The following GALNT18 variants were observed in gnomAD, a reference collection of about 807,000 sequenced individuals.
GALNT18 encodes GalNAc-transferase 18.
A neutral mutation model predicts 69.5 loss-of-function variants in GALNT18; 44 were observed. That is an observed-to-expected ratio of 0.63 (90% CI 0.50 to 0.81). The LOEUF (loss-of-function observed/expected upper bound fraction) is 0.81, where lower values mean the gene tolerates loss of function less well. Among genes scored for constraint, GALNT18 ranks in the 40% least tolerant of loss-of-function variants. The pLI is 0.00. For missense variants in GALNT18, 715 were observed against 810.0 expected (o/e 0.88, Z 1.42); for synonymous variants, 364 against 318.2 (o/e 1.14, Z -1.53).
chr11:11,397,914 T>C (rs1475045956), intron 3 of GALNT18, among the ~76,000 whole-genome samples: 1 of 152,206 alleles, frequency 6.6e-6, no homozygotes, highest in African/African-American at 2.4e-5. Flanking sequence ...CTGTATGAGA[T>C]GCCGGAGAGA....
intron 9 of GALNT18, among the ~76,000 whole-genome samples, chr11:11,300,992 G>A (rs1564886781): frequency 6.6e-6 from 1 of 152,138 alleles, no homozygotes. Context: ...CCTGCAGATC[G>A]GGATCTAGCT....
At chr11:11,278,076 G>C (rs550113899) in intron 10 of GALNT18, among the ~76,000 whole-genome samples, 2 of 151,844 alleles carry the variant, frequency 1.3e-5, no homozygotes, top group South Asian at 4.2e-4. Context: ...TTGCCTCGTT[G>C]ATCTGTCTAG....
chr11:11,621,828 TC>T lies in GALNT18; in HGVS notation c.-236del. ...ACAAAGGAAACCAGGTGGATTTTTTTCCAAATTAAAAATCCCTGAACCCTTC... is the reference window on the plus strand; with the variant it reads ...ACAAAGGAAACCAGGTGGATTTTTTTCAAATTAAAAATCCCTGAACCCTTC... On this transcript the variant is annotated 5_prime_UTR_variant, in exon 1 of 11. Transcript: ENST00000227756. This position sits in a 1 kb window ranked among gnomAD's most constrained non-coding sequence, Gnocchi z 9.3. The T allele has an allele frequency of 1.8e-6, 1 of 560,028 alleles. No individual in the cohort carries two copies. The highest frequency in any genetic ancestry group is 3.2e-6 in the Non-Finnish European group (1 of 314,516). The allele number at this position is 560,028 out of a possible 1,614,324, so 34.7% of individuals were successfully genotyped here.
chr11:11,422,997 TCACACAAGCA>T (rs1855045114), intron 3 of GALNT18, among the ~76,000 whole-genome samples: 1 of 152,198 alleles, frequency 6.6e-6, no homozygotes, highest in South Asian at 2.1e-4. Flanking sequence ...ACACCACTGT[TCACACAAGCA>T]CACACAAGCC....
At chr11:11,609,950 CTGAG>C (rs1028424558) in intron 1 of GALNT18, among the ~76,000 whole-genome samples, 2 of 152,136 alleles carry the variant, frequency 1.3e-5, no homozygotes, top group East Asian at 1.9e-4. Flanking sequence ...AAGCTGTGGC[CTGAG>C]TGAGTGGAGG....
intron 6 of GALNT18, among the ~76,000 whole-genome samples, chr11:11,371,724 A>G (rs1200862556): frequency 1.3e-5 from 2 of 152,176 alleles, no homozygotes; most frequent in African/African-American, 4.8e-5. Context: ...CTTCTAGGAC[A>G]AGATCCTTTG....
In GALNT18 at chr11:11,314,239, G is replaced by A. The variant is rs1207990917; in HGVS notation, c.1512+12847C>T. Among the ~76,000 whole-genome samples the A allele has an allele frequency of 6.6e-6, 1 of 152,162 alleles. No individual in the cohort carries two copies. Among genetic ancestry groups the A allele is most frequent in the African/African-American group, 2.4e-5 (1 of 41,436 alleles). Reference sequence around the variant, plus strand: ...GTGAGTCTGAACATTGGTCCACTGTGGAGCTGCTAATGACTGCTTCTCCCC... The same window carrying A: ...GTGAGTCTGAACATTGGTCCACTGTAGAGCTGCTAATGACTGCTTCTCCCC... On this transcript the variant is annotated intron_variant, in intron 9 of 10. Transcript: ENST00000227756. The surrounding 1 kb of genome is among the most constrained non-coding windows in gnomAD (Gnocchi z 5.2).
intron 1 of GALNT18, among the ~76,000 whole-genome samples, chr11:11,503,005 C>T (rs1341741058): frequency 1.3e-5 from 2 of 152,156 alleles, no homozygotes; most frequent in African/African-American, 4.8e-5. Context: ...ATATGTACAC[C>T]AGGCAAGCAT....
Position 11,542,193 on chromosome 11 carries a change from G to A in GALNT18, c.235+79166C>T, listed in dbSNP as rs1187505622. ...ATTAAAGACTTTGCCCAAAGGCTGT[G>A]GCTGCGTCTTAGAAAGCAAAGCAAA... On this transcript the variant is annotated intron_variant, in intron 1 of 10. Coordinates refer to ENST00000227756, the MANE Select transcript of GALNT18 (RefSeq NM_198516.3). The surrounding 1 kb of genome is among the most constrained non-coding windows in gnomAD (Gnocchi z 4.3). Among the ~76,000 whole-genome samples, 1 of 152,130 alleles carries A rather than the reference G, an allele frequency of 6.6e-6. No individual in the cohort carries two copies. Among genetic ancestry groups the A allele is most frequent in the Non-Finnish European group, 1.5e-5 (1 of 68,030 alleles).
chr11:11,357,181 C>T (rs1850548262), intron 6 of GALNT18, among the ~76,000 whole-genome samples: 1 of 152,082 alleles, frequency 6.6e-6, no homozygotes, highest in Non-Finnish European at 1.5e-5. Context: ...CAGGTTGCTC[C>T]GACCTCAAAG....
chr11:11,582,818 A>G lies in GALNT18; in HGVS notation c.235+38541T>C, dbSNP rs1396689127. On this transcript the variant is annotated intron_variant, in intron 1 of 10. Transcript: ENST00000227756. The surrounding 1 kb of genome is among the most constrained non-coding windows in gnomAD (Gnocchi z 5.0). ...AGGAAGTAAGCATTTTTAAAAGATT[A>G]CTCTAGTTGTTGAGTGAAGAACGGA... Among the ~76,000 whole-genome samples, 1 of 152,038 alleles carries G rather than the reference A, an allele frequency of 6.6e-6. No individual in the cohort carries two copies. Among genetic ancestry groups the G allele is most frequent in the Non-Finnish European group, 1.5e-5 (1 of 68,018 alleles).
At chr11:11,330,622 G>A (rs1295223390) in intron 8 of GALNT18, among the ~76,000 whole-genome samples, 1 of 152,224 alleles carries the variant, frequency 6.6e-6, no homozygotes. Context: ...CAAGTGAATG[G>A]TTTTCAGTAT....
intron 3 of GALNT18, among the ~76,000 whole-genome samples, chr11:11,408,459 T>C (rs1054584715): frequency 6.6e-6 from 1 of 151,596 alleles, no homozygotes; most frequent in Non-Finnish European, 1.5e-5. Context: ...ACCCAAGATT[T>C]ATGCAGAGAA....
At chr11:11,322,779 G>A (rs557255036) in intron 9 of GALNT18, among the ~76,000 whole-genome samples, 12 of 152,316 alleles carry the variant, frequency 7.9e-5, no homozygotes, top group Admixed American at 4.6e-4. Context: ...CCACAGACTA[G>A]GTGGCATAAA....
At chr11:11,330,060 A>G (rs1376863442) in intron 8 of GALNT18, among the ~76,000 whole-genome samples, 3 of 152,096 alleles carry the variant, frequency 2.0e-5, no homozygotes, top group Non-Finnish European at 4.4e-5. Context: ...GATTAATCCA[A>G]TGCTACCCCA....
At chr11:11,574,950 A>AT (rs1776356252) in intron 1 of GALNT18, among the ~76,000 whole-genome samples, 1 of 152,172 alleles carries the variant, frequency 6.6e-6, no homozygotes, top group Non-Finnish European at 1.5e-5. Context: ...ATCAAGAGGT[A>AT]TTTTTCATTG....
At position 11,543,049 on chromosome 11, in the gene GALNT18, C is replaced by A. The variant is rs894081242; in HGVS notation, c.235+78310G>T. Among the ~76,000 whole-genome samples the A allele has an allele frequency of 6.6e-6, 1 of 152,138 alleles. No individual in the cohort carries two copies. The highest frequency in any genetic ancestry group is 2.1e-4 in the South Asian group (1 of 4,824). The stretch of plus-strand genomic sequence containing the variant: ...AAGGTTGTTTCAGGCACTAAATGCA[C>A]CAGTGTGTCTAAAGTATTTGGGAAG... On this transcript the variant is annotated intron_variant, in intron 1 of 10. Coordinates refer to ENST00000227756, the MANE Select transcript of GALNT18 (RefSeq NM_198516.3). The surrounding 1 kb of genome is among the most constrained non-coding windows in gnomAD (Gnocchi z 5.1).
intron 6 of GALNT18, among the ~76,000 whole-genome samples, chr11:11,353,705 C>G (rs1850467864): frequency 6.6e-6 from 1 of 152,136 alleles, no homozygotes; most frequent in African/African-American, 2.4e-5. Context: ...CAGATGCCCC[C>G]AAAAGGATAA....
At chr11:11,498,328 G>A (rs1166706057) in intron 1 of GALNT18, among the ~76,000 whole-genome samples, 1 of 152,216 alleles carries the variant, frequency 6.6e-6, no homozygotes, top group Non-Finnish European at 1.5e-5. Context: ...AGGAAGGACT[G>A]GGAAGAAACC....
Sources: gnomAD v4.1 joint callset for allele counts (sites outside exome capture counted in the v4.1 genomes callset) on GRCh38, gnomAD v4.1.1 for gene constraint, Gnocchi (gnomAD v3.1) non-coding constraint, MANE v1.5 for transcripts, NCBI Gene and HGNC (gene_info 2026-07-23, HGNC 2026-07-21) for gene names.